BOC: variants seen among roughly 807,000 people sequenced by gnomAD.
BOC encodes BOC cell adhesion associated, oncogene regulated.
In BOC, 76 loss-of-function variants were observed where a neutral mutation model predicts 112.0. The observed-to-expected ratio is 0.68, with a 90% CI of 0.56 to 0.82. The LOEUF (loss-of-function observed/expected upper bound fraction) is 0.82. BOC is among the 40% of genes least tolerant of loss of function. BOC has a pLI of 0.00. For synonymous variants in BOC, 580 were observed against 599.8 expected, an observed-to-expected ratio of 0.97 and a Z score of 0.48; for missense variants, 1,309 against 1,511.7, an observed-to-expected ratio of 0.87 and a Z score of 2.22.
At position 113,279,888 on chromosome 3, in the gene BOC, C is replaced by G. The variant is rs878952788; in HGVS notation, c.2088C>G (p.Pro696=). 1.2e-6 allele frequency: 2 copies of G among 1,613,970 alleles called. No individual in the cohort carries two copies. Among genetic ancestry groups the G allele is most frequent in the Non-Finnish European group, 8.5e-7 (1 of 1,179,942 alleles). Residue 696 remains proline (P), a synonymous_variant, in exon 13 of 20, where the codon CCC becomes CCG. Coordinates refer to ENST00000682979, the MANE Select transcript of BOC (RefSeq NM_001378074.1). The part of the protein sequence containing the change: ...NMLGESEPSA[P]SRPYVVSGYS... ...TGGGGGAGAGCGAGCCCAGCGCCCC[C>G]TCTCGGCCCTACGTGGTGTCGGGCT...
chr3:113,257,811 C>T (rs1407732643), intron 4 of BOC, among the ~76,000 whole-genome samples: 1 of 152,106 alleles, frequency 6.6e-6, no homozygotes, highest in Non-Finnish European at 1.5e-5. Flanking sequence ...AAGGCAAGAC[C>T]AAAATTCATG....
chr3:113,235,257 G>A (rs1463421449), intron 2 of BOC, among the ~76,000 whole-genome samples: 1 of 152,094 alleles, frequency 6.6e-6, no homozygotes, highest in African/African-American at 2.4e-5. Flanking sequence ...CTATATTAGC[G>A]TTTTAGTTCA....
chr3:113,221,037 G>T (rs1374254971), intron 2 of BOC, among the ~76,000 whole-genome samples: 2 of 152,202 alleles, frequency 1.3e-5, no homozygotes, highest in African/African-American at 4.8e-5. Flanking sequence ...CATCCTGGTT[G>T]AGGGGAGGCT....
chr3:113,240,367 G>A (rs185254222), intron 2 of BOC, among the ~76,000 whole-genome samples: 27 of 152,294 alleles, frequency 1.8e-4, no homozygotes, highest in Admixed American at 6.5e-4. Flanking sequence ...TGAGATACTC[G>A]CACCACTCTG....
chr3:113,245,185 T>G (rs1201690742), intron 2 of BOC, among the ~76,000 whole-genome samples: 3 of 152,238 alleles, frequency 2.0e-5, no homozygotes, highest in Non-Finnish European at 4.4e-5. Context: ...TACAACTTTT[T>G]AAGTAAAAAT....
At chr3:113,220,614 T>A (rs1012648866) in intron 2 of BOC, among the ~76,000 whole-genome samples, 8 of 152,170 alleles carry the variant, frequency 5.3e-5, no homozygotes, top group African/African-American at 1.7e-4. Flanking sequence ...TGTAGGGAAC[T>A]GGCCAGAGGT....
In BOC at chr3:113,274,703, T is replaced by C; in HGVS notation, c.1542+21T>C. 1.3e-6 allele frequency: 2 copies of C among 1,562,210 alleles called. No homozygotes were observed. The highest frequency in any genetic ancestry group is 1.7e-6 in the Non-Finnish European group (2 of 1,147,254). On this transcript the variant is annotated intron_variant, in intron 9 of 19. Transcript: ENST00000682979. This position sits in a 1 kb window ranked among gnomAD's most constrained non-coding sequence, Gnocchi z 4.8. ...GCAAGGTATGGCCCTGGTGTGGGGCTGCTGCCTCCCCTGCACAGCCTTTCC... is the reference window on the plus strand; with the variant it reads ...GCAAGGTATGGCCCTGGTGTGGGGCCGCTGCCTCCCCTGCACAGCCTTTCC...
chr3:113,233,016 T>G (rs1275132003), intron 2 of BOC, among the ~76,000 whole-genome samples: 3 of 152,230 alleles, frequency 2.0e-5, no homozygotes, highest in Admixed American at 2.0e-4. Flanking sequence ...AGATGCGAAC[T>G]GAAGAATGGT....
In BOC at chr3:113,287,344, C is replaced by T. The variant is rs999643396; in HGVS notation, c.*482C>T. ...CCATGAGAACAGACCAAGATGTGTA[C>T]AGCACTATGAGCATTAAAAAACCTT... On this transcript the variant is annotated 3_prime_UTR_variant, in exon 20 of 20. Coordinates refer to ENST00000682979, the MANE Select transcript of BOC (RefSeq NM_001378074.1). 2.4e-5 allele frequency: 5 copies of T among 212,322 alleles called. No individual in the cohort carries two copies. Among genetic ancestry groups the T allele is most frequent in the Admixed American group, 1.6e-4 (3 of 18,400 alleles). 13.2% of individuals were successfully genotyped at this position (212,322 alleles called of 1,614,324 possible).
intron 1 of BOC, chr3:113,212,735 CGTGTGTGCGCGCGCGTGTGT>C (rs1938466695): frequency 6.6e-6 from 1 of 152,156 alleles, no homozygotes; most frequent in African/African-American, 2.4e-5. Flanking sequence ...TGTGCGTGTA[CGTGTGTGCGCGCGCGTGTGT>C]GCGTGTTCGC....
chr3:113,235,369 C>T (rs905872650), intron 2 of BOC, among the ~76,000 whole-genome samples: 2 of 152,148 alleles, frequency 1.3e-5, no homozygotes, highest in African/African-American at 4.8e-5. Context: ...TGAGCATTCA[C>T]TGAATGAGGT....
chr3:113,253,616 G>C (rs1945889927), intron 4 of BOC, among the ~76,000 whole-genome samples: 1 of 151,858 alleles, frequency 6.6e-6, no homozygotes, highest in Admixed American at 6.6e-5. Context: ...CTAATCTTAA[G>C]TGAACAACTG....
rs567990751 is a variant in BOC at position 113,284,982 on chromosome 3, G to A, written c.2966+124G>A. On this transcript the variant is annotated intron_variant, in intron 18 of 19. Coordinates refer to ENST00000682979, the MANE Select transcript of BOC (RefSeq NM_001378074.1). ...GCTGTACTCAGGGGTCCCCGTGACTGACAATCATGCTCCTCTGAACCATTG... is the reference window on the plus strand; with the variant it reads ...GCTGTACTCAGGGGTCCCCGTGACTAACAATCATGCTCCTCTGAACCATTG... 118 of 811,450 alleles carry A rather than the reference G, an allele frequency of 1.5e-4. No homozygotes were observed. The African/African-American group carries it at 1.7e-3, about 12-fold the overall frequency. 50.3% of individuals were successfully genotyped at this position (811,450 alleles called of 1,614,324 possible).
At chr3:113,214,080 T>C (rs759401037) in intron 1 of BOC, among the ~76,000 whole-genome samples, 1 of 152,214 alleles carries the variant, frequency 6.6e-6, no homozygotes, top group Non-Finnish European at 1.5e-5. Flanking sequence ...CTGGCTTTAC[T>C]TGGGAAAAGA....
intron 1 of BOC, among the ~76,000 whole-genome samples, chr3:113,213,820 A>G (rs1305157429): frequency 1.3e-5 from 2 of 152,234 alleles, no homozygotes; most frequent in African/African-American, 4.8e-5. Flanking sequence ...AAATGAGTTT[A>G]TGCAAAGAGG....
chr3:113,238,836 A>G (rs1254800164), intron 2 of BOC, among the ~76,000 whole-genome samples: 1 of 152,242 alleles, frequency 6.6e-6, no homozygotes, highest in Admixed American at 6.5e-5. Context: ...ACAATGGCCT[A>G]TAGGAGGTGC....
chr3:113,241,520 CAG>C (rs1316674142), intron 2 of BOC, among the ~76,000 whole-genome samples: 1 of 152,102 alleles, frequency 6.6e-6, no homozygotes, highest in East Asian at 1.9e-4. Context: ...GCCTTTCCAC[CAG>C]CCCCAACCTC....
rs1472734548 is a variant in BOC at position 113,253,408 on chromosome 3, A to C, written c.376+2575A>C. On this transcript the variant is annotated intron_variant, in intron 4 of 19. Coordinates refer to ENST00000682979, the MANE Select transcript of BOC (RefSeq NM_001378074.1). ...ATTTTGAGACCAGCCTAGGAACAAAAATTTTTTTTAAAAAAATAGCCAGGC... is the reference window on the plus strand; with the variant it reads ...ATTTTGAGACCAGCCTAGGAACAAACATTTTTTTTAAAAAAATAGCCAGGC... 1.0e-3 allele frequency among the ~76,000 whole-genome samples: 158 copies of C among 151,318 alleles called. 2 individuals are homozygous for C. Among genetic ancestry groups the C allele is most frequent in the East Asian group, 2.0e-4 (1 of 5,104 alleles).
chr3:113,219,556 A>C (rs1940170604), intron 2 of BOC, among the ~76,000 whole-genome samples: 1 of 152,248 alleles, frequency 6.6e-6, no homozygotes, highest in Non-Finnish European at 1.5e-5. Context: ...GCCGAGTCCA[A>C]AACTCAAGTT....
Sources: gnomAD v4.1 joint callset for allele counts (sites outside exome capture counted in the v4.1 genomes callset) on GRCh38, gnomAD v4.1.1 for gene constraint, Gnocchi (gnomAD v3.1) non-coding constraint, MANE v1.5 for transcripts, NCBI Gene and HGNC (gene_info 2026-07-23, HGNC 2026-07-21) for gene names.